Variants in ARHGEF10 observed in about 807,000 individuals in gnomAD.
ARHGEF10 encodes Rho guanine nucleotide exchange factor 10.
In ARHGEF10, 140 loss-of-function variants were observed where a neutral mutation model predicts 147.4. The ratio of observed to expected loss-of-function variants is 0.95; its 90% CI spans 0.83 to 1.09. ARHGEF10 has a LOEUF of 1.09. Ranked by LOEUF, ARHGEF10 falls within the 50% of genes least tolerant of loss-of-function variation. The pLI is 0.00. For synonymous variants in ARHGEF10, 902 were observed against 695.8 expected, an observed-to-expected ratio of 1.30 and a Z score of -4.67; for missense variants, 2,222 against 1,752.7, an observed-to-expected ratio of 1.27 and a Z score of -4.78.
At chr8:1,952,013 C>T (rs1182042261) in intron 27 of ARHGEF10, among the ~76,000 whole-genome samples, 1 of 144,814 alleles carries the variant, frequency 6.9e-6, no homozygotes, top group East Asian at 2.0e-4. Flanking sequence ...CACTTTCTAG[C>T]CTTGTCACTG....
rs374914801 is a variant in ARHGEF10, at chr8:1,843,426, C to T, written c.27C>T (p.Pro9=). The part of the protein sequence containing the change: MDQREPLP[P]APAENEMKYD... ...TGGACCAGCGAGAGCCCCTGCCTCCCGCTCCTGCAGGTAACAGCACTCAGT... is the reference window on the plus strand; with the variant it reads ...TGGACCAGCGAGAGCCCCTGCCTCCTGCTCCTGCAGGTAACAGCACTCAGT... Residue 9 remains proline, a synonymous_variant, in exon 2 of 29, where the codon CCC becomes CCT. Coordinates refer to ENST00000349830, the MANE Select transcript of ARHGEF10 (RefSeq NM_014629.4). The T allele has an allele frequency of 4.2e-5, 68 of 1,612,988 alleles. No individual in the cohort carries two copies. Among genetic ancestry groups the T allele is most frequent in the East Asian group, 4.0e-4 (18 of 44,868 alleles).
intron 7 of ARHGEF10, chr8:1,869,633 A>C (rs78098742): frequency 0.014 from 4,622 of 336,482 alleles, 218 homozygotes; most frequent in African/African-American, 0.091. Flanking sequence ...AATTCTCTAC[A>C]ATTAAAGAAA....
chr8:1,899,561 G>T (rs1370251070), intron 15 of ARHGEF10, among the ~76,000 whole-genome samples: 1 of 152,108 alleles, frequency 6.6e-6, no homozygotes, highest in East Asian at 1.9e-4. Flanking sequence ...AGTCATCAAA[G>T]TATGAAAAAG....
At position 1,909,325 on chromosome 8, in the gene ARHGEF10, C is replaced by A; in HGVS notation, c.1998C>A (p.Ser666Arg). The A allele has an allele frequency of 6.2e-7, 1 of 1,614,196 alleles. No homozygotes were observed. Among genetic ancestry groups the A allele is most frequent in the Non-Finnish European group, 8.5e-7 (1 of 1,180,038 alleles). The part of the protein sequence containing the change: ...RPSHDSRVMS[S>R]QRYLLKWSVP... ...CTCATGACAGCCGTGTGATGAGCAG[C>A]CAGAGGTACTTGCTGAAGTGGAGCG... Residue 666 changes from serine (S) to arginine (R), a missense_variant, in exon 18 of 29, where the codon AGC becomes AGA. Transcript: ENST00000349830.
At chr8:1,857,907 T>A in intron 2 of ARHGEF10, 53 bp from the exon 3 acceptor site, 2 of 1,325,362 alleles carry the variant, frequency 1.5e-6, no homozygotes, top group Non-Finnish European at 2.2e-6. Context: ...TCTATCTATC[T>A]ATCTATCTAT....
At chr8:1,914,281 G>A (rs773050031) in intron 18 of ARHGEF10, among the ~76,000 whole-genome samples, 7 of 152,224 alleles carry the variant, frequency 4.6e-5, no homozygotes, top group Non-Finnish European at 8.8e-5. Flanking sequence ...GCATCCTCCA[G>A]GGATGTGTGG....
chr8:1,913,928 C>G (rs1206602001), intron 18 of ARHGEF10, among the ~76,000 whole-genome samples: 2 of 152,218 alleles, frequency 1.3e-5, no homozygotes, highest in African/African-American at 2.4e-5. Context: ...CCTGAAACCT[C>G]AGGGTCCCTG....
intron 7 of ARHGEF10, 188 bp downstream of exon 7, chr8:1,869,438 A>G: frequency 1.4e-6 from 1 of 702,598 alleles, no homozygotes; most frequent in East Asian, 2.7e-5. Flanking sequence ...GTGTGCTTAT[A>G]ACCCTTGAAA....
Position 1,926,446 on chromosome 8 carries a change from G to T in ARHGEF10, c.2680G>T (p.Ala894Ser), listed in dbSNP as rs1812700241. The change falls in exon 23 of 29, where the codon GCA (alanine) becomes TCA (serine). Residue 894 changes from alanine to serine, a missense_variant. Physicochemically the swap from Ala to Ser is moderately conservative, Grantham distance 99 (BLOSUM62 1). Transcript: ENST00000349830. Reference sequence around the variant, plus strand: ...AAGCCAGCCAGATTCATTTTCCACGGCACATGGTTTCCTGTGGGTAAGATG... The same window carrying T: ...AAGCCAGCCAGATTCATTTTCCACGTCACATGGTTTCCTGTGGGTAAGATG... Reference protein sequence around the residue: ...NESQPDSFSTAHGFLWIGSCT... With the variant: ...NESQPDSFSTSHGFLWIGSCT... The T allele has an allele frequency of 6.2e-7, 1 of 1,613,952 alleles. No individual in the cohort carries two copies. The highest frequency in any genetic ancestry group is 1.1e-5 in the South Asian group (1 of 91,088).
chr8:1,837,943 GGTTTCCTCACAGGTGCTCACA>G (rs997446352), intron 1 of ARHGEF10, among the ~76,000 whole-genome samples: 2 of 152,196 alleles, frequency 1.3e-5, no homozygotes, highest in Admixed American at 6.5e-5. Flanking sequence ...AGGTGCTCTA[GGTTTCCTCACAGGTGCTCACA>G]GTTTCCTCCT....
Position 1,833,586 on chromosome 8 carries a change from C to T in ARHGEF10, c.-48+9473C>T, listed in dbSNP as rs145663936. Among the ~76,000 whole-genome samples, 90 of 152,274 alleles carry T rather than the reference C, an allele frequency of 5.9e-4. 2 individuals are homozygous for T. In the East Asian group the frequency reaches 0.016, roughly 27 times the overall value. ...TTGGCGCCCTGTTACCGCCTCCAAG[C>T]CCCCACCCCCAGGATGCTCACCATG... On this transcript the variant is annotated intron_variant, in intron 1 of 28. Coordinates refer to ENST00000349830, the MANE Select transcript of ARHGEF10 (RefSeq NM_014629.4).
rs186992708 is a variant in ARHGEF10, at chr8:1,872,770, C to T, written c.679+3520C>T. Among the ~76,000 whole-genome samples the T allele has an allele frequency of 6.1e-4, 93 of 152,236 alleles. 1 individual carries two copies. Among genetic ancestry groups the T allele is most frequent in the African/African-American group, 2.0e-3 (85 of 41,534 alleles). ...CAACGTAATGGGGAGGAGCTCACGG[C>T]GTTCGTTAATTTATTCATTCCGCAA... is the stretch of plus-strand genomic sequence containing the variant. On this transcript the variant is annotated intron_variant, in intron 7 of 28. Transcript: ENST00000349830.
chr8:1,839,768 GACTGTCTGGTGTGGGT>G (rs1469129442), intron 1 of ARHGEF10, among the ~76,000 whole-genome samples: 1 of 126,252 alleles, frequency 7.9e-6, no homozygotes, highest in Non-Finnish European at 1.6e-5. Flanking sequence ...CTGGTGTGGG[GACTGTCTGGTGTGGGT>G]ACTGTCTGGT....
chr8:1,864,285 G>C, intron 4 of ARHGEF10, 88 bp from the exon 5 acceptor site: 1 of 1,358,654 alleles, frequency 7.4e-7, no homozygotes, highest in Non-Finnish European at 1.1e-6. Context: ...ATAGGAAAGT[G>C]TGAAACCATT....
intron 1 of ARHGEF10, among the ~76,000 whole-genome samples, chr8:1,829,391 G>A (rs1189693035): frequency 2.6e-5 from 4 of 152,252 alleles, no homozygotes; most frequent in Non-Finnish European, 5.9e-5. Context: ...CGGTTGCCCT[G>A]TGTGGGCCGG....
chr8:1,923,701 CAA>C, intron 20 of ARHGEF10, 71 bp from the exon 21 acceptor site: 1 of 1,612,162 alleles, frequency 6.2e-7, no homozygotes, highest in South Asian at 1.1e-5. Flanking sequence ...ATCAGACAGG[CAA>C]AATGTGTAAT....
At chr8:1,829,701 A>G (rs1802972521) in intron 1 of ARHGEF10, among the ~76,000 whole-genome samples, 1 of 152,152 alleles carries the variant, frequency 6.6e-6, no homozygotes, top group Non-Finnish European at 1.5e-5. Context: ...GTTATGTAGA[A>G]TAGGTCACTT....
At chr8:1,840,640 G>A (rs1803959964) in intron 1 of ARHGEF10, among the ~76,000 whole-genome samples, 1 of 150,846 alleles carries the variant, frequency 6.6e-6, no homozygotes, top group Admixed American at 6.6e-5. Flanking sequence ...GGGACTGTCC[G>A]ACGTGGGGAC....
chr8:1,842,585 G>A (rs1804178798), intron 1 of ARHGEF10, among the ~76,000 whole-genome samples: 1 of 152,204 alleles, frequency 6.6e-6, no homozygotes, highest in South Asian at 2.1e-4. Context: ...TGGAGCTGGT[G>A]CCTGGTCCCC....
Sources: allele counts gnomAD v4.1 joint callset (sites outside exome capture counted in the v4.1 genomes callset), GRCh38; gene constraint gnomAD v4.1.1; transcripts MANE v1.5; gene names NCBI Gene and HGNC (gene_info 2026-07-23, HGNC 2026-07-21).